PGM5: variants seen among roughly 807,000 people sequenced by gnomAD.
PGM5 encodes the protein phosphoglucomutase-like protein 5.
In PGM5, 23 loss-of-function variants were observed where a neutral mutation model predicts 59.2. That is an observed-to-expected ratio of 0.39 (90% CI 0.28 to 0.55). The LOEUF is 0.55. Among genes scored for constraint, PGM5 ranks in the 20% least tolerant of loss-of-function variants. PGM5 has a pLI of 0.66. For missense variants in PGM5, 574 were observed against 748.3 expected (o/e 0.77, Z 2.72); for synonymous variants, 214 against 286.0 (o/e 0.75, Z 2.54).
chr9:68,420,164 G>A (rs1823103417), intron 6 of PGM5, among the ~76,000 whole-genome samples: 1 of 152,080 alleles, frequency 6.6e-6, no homozygotes, highest in Non-Finnish European at 1.5e-5. Flanking sequence ...TCTCCCTCTG[G>A]GGGCTCCGAA....
intron 6 of PGM5, among the ~76,000 whole-genome samples, chr9:68,436,441 T>TA (rs782256016): frequency 6.0e-4 from 91 of 152,190 alleles, no homozygotes; most frequent in Admixed American, 8.5e-4. Flanking sequence ...ACCCGGAAGA[T>TA]AAAAAATGTA....
intron 6 of PGM5, among the ~76,000 whole-genome samples, chr9:68,393,409 G>T (rs1402914503): frequency 3.3e-5 from 5 of 151,884 alleles, no homozygotes; most frequent in Non-Finnish European, 7.4e-5. Flanking sequence ...CACATTGCTT[G>T]TAACCTGCTT....
At chr9:68,485,148 A>C (rs1446727122) in intron 9 of PGM5, among the ~76,000 whole-genome samples, 1 of 152,078 alleles carries the variant, frequency 6.6e-6, no homozygotes, top group Non-Finnish European at 1.5e-5. Flanking sequence ...TCTACCTTAT[A>C]TCTTCCTCAG....
At chr9:68,434,437 G>A (rs1321434519) in intron 6 of PGM5, among the ~76,000 whole-genome samples, 1 of 151,820 alleles carries the variant, frequency 6.6e-6, no homozygotes, top group African/African-American at 2.4e-5. Context: ...AGGGTACTTT[G>A]AGGTCCACTC....
chr9:68,426,168 A>G (rs138276598), intron 6 of PGM5, among the ~76,000 whole-genome samples: 5 of 152,152 alleles, frequency 3.3e-5, no homozygotes, highest in African/African-American at 1.2e-4. Flanking sequence ...GAAAGGAGGA[A>G]TTTGGGGTGA....
At chr9:68,379,302 G>T (rs1162021137) in intron 2 of PGM5, among the ~76,000 whole-genome samples, 12 of 152,148 alleles carry the variant, frequency 7.9e-5, no homozygotes, top group African/African-American at 2.9e-4. Flanking sequence ...ATGAATGTGG[G>T]TAGGAGCCAA....
At chr9:68,433,898 G>A (rs1462215147) in intron 6 of PGM5, among the ~76,000 whole-genome samples, 2 of 152,178 alleles carry the variant, frequency 1.3e-5, no homozygotes, top group African/African-American at 4.8e-5. Flanking sequence ...AGAATGATAG[G>A]GATTTTGTTA....
At chr9:68,508,202 G>A (rs530992858) in intron 10 of PGM5, among the ~76,000 whole-genome samples, 27 of 152,090 alleles carry the variant, frequency 1.8e-4, no homozygotes, top group African/African-American at 4.6e-4. Flanking sequence ...ATACAAAAGA[G>A]GCCCTTAATT....
intron 2 of PGM5, among the ~76,000 whole-genome samples, chr9:68,381,764 C>A (rs1332130861): frequency 1.3e-5 from 2 of 150,704 alleles, no homozygotes; most frequent in African/African-American, 4.9e-5. Context: ...AAATAATGAC[C>A]CAGCTGAAAA....
At chr9:68,479,346 CTTCTTAATTCAT>C in intron 7 of PGM5, 60 bp from the exon 8 acceptor site, 1 of 1,418,592 alleles carries the variant, frequency 7.0e-7, no homozygotes, top group Non-Finnish European at 9.6e-7. Flanking sequence ...ACTAACTGGT[CTTCTTAATTCAT>C]TTAGCTTTTG....
intron 6 of PGM5, chr9:68,400,695 A>C (rs1391544559): frequency 6.6e-6 from 1 of 152,620 alleles, no homozygotes; most frequent in African/African-American, 2.4e-5. Context: ...TTTGGATATA[A>C]TAAAACTATG....
chr9:68,385,143 A>G lies in PGM5; in HGVS notation c.571+599A>G, dbSNP rs527519296. 2.6e-3 allele frequency among the ~76,000 whole-genome samples: 391 copies of G among 152,052 alleles called. 2 individuals carry two copies. Among genetic ancestry groups the G allele is most frequent in the African/African-American group, 9.0e-3 (374 of 41,530 alleles). ...TATTATCTTATATTGTAAAGCAAATATAACTTCTACAGTATTCAGAAGATA... is the reference window on the plus strand; with the variant it reads ...TATTATCTTATATTGTAAAGCAAATGTAACTTCTACAGTATTCAGAAGATA... On this transcript the variant is annotated intron_variant, in intron 3 of 10. Transcript: ENST00000396396.
chr9:68,384,338 T>G, intron 2 of PGM5, 60 bp from the exon 3 acceptor site: 1 of 1,199,004 alleles, frequency 8.3e-7, no homozygotes, highest in South Asian at 1.3e-5. Context: ...ATGGTAACAT[T>G]TCACTGCTTG....
Position 68,386,984 on chromosome 9 carries a change from C to A in PGM5, c.572-479C>A, listed in dbSNP as rs1822237623. Among the ~76,000 whole-genome samples the A allele has an allele frequency of 2.0e-5, 3 of 151,854 alleles. No homozygotes were observed. In the South Asian group the frequency reaches 6.2e-4, roughly 32 times the overall value. Reference sequence around the variant, plus strand: ...CAATTCTGCACTCGAATCTGGTAGGCACAATGGCTTTTGGAAAATAGGGGT... The same window carrying A: ...CAATTCTGCACTCGAATCTGGTAGGAACAATGGCTTTTGGAAAATAGGGGT... On this transcript the variant is annotated intron_variant, in intron 3 of 10. Transcript: ENST00000396396.
At chr9:68,368,820 T>G (rs1438585590) in intron 1 of PGM5, among the ~76,000 whole-genome samples, 2 of 152,106 alleles carry the variant, frequency 1.3e-5, no homozygotes, top group Non-Finnish European at 2.9e-5. Context: ...TTTTTCTTAT[T>G]TTTTTGTAGA....
rs555949854 is a variant in PGM5, at chr9:68,385,414, T to C, written c.571+870T>C. Among the ~76,000 whole-genome samples the C allele has an allele frequency of 6.6e-5, 10 of 152,278 alleles. No individual in the cohort carries two copies. In the East Asian group the frequency reaches 1.7e-3, roughly 26 times the overall value. ...AGAGGAAATACCTGGTTTGTGTCCA[T>C]GTGATATTTTAGGGATAGAGAAAAG... On this transcript the variant is annotated intron_variant, in intron 3 of 10. Coordinates refer to ENST00000396396, the MANE Select transcript of PGM5 (RefSeq NM_021965.4).
intron 6 of PGM5, among the ~76,000 whole-genome samples, chr9:68,455,898 A>T (rs72714328): frequency 0.031 from 4,672 of 152,350 alleles, 157 homozygotes; most frequent in African/African-American, 0.084. Flanking sequence ...AAGACAAAAG[A>T]ACATACAATT....
chr9:68,436,229 AG>A (rs1823438704), intron 6 of PGM5, among the ~76,000 whole-genome samples: 2 of 152,316 alleles, frequency 1.3e-5, no homozygotes, highest in South Asian at 4.1e-4. Flanking sequence ...GTGTCCTTTG[AG>A]GTACAGCAAA....
chr9:68,415,518 A>C (rs1442062339), intron 6 of PGM5, among the ~76,000 whole-genome samples: 2 of 144,748 alleles, frequency 1.4e-5, no homozygotes, highest in Admixed American at 6.8e-5. Context: ...TGGACAGCTG[A>C]AGCCATGACC....
Sources: gnomAD v4.1 joint callset for allele counts (sites outside exome capture counted in the v4.1 genomes callset) on GRCh38, gnomAD v4.1.1 for gene constraint, MANE v1.5 for transcripts, NCBI Gene and HGNC (gene_info 2026-07-23, HGNC 2026-07-21) for gene names.